SCAND3: variants seen among roughly 807,000 people sequenced by gnomAD.
SCAND3 encodes SCAN domain containing 3, also known as SCAN domain-containing protein 3.
the SCAND3 span, among the ~76,000 whole-genome samples, chr6:28,607,147 T>A: frequency 6.6e-6 from 1 of 152,188 alleles, no homozygotes; most frequent in Admixed American, 6.5e-5. Flanking sequence ...AAGCAACCTG[T>A]CTGTGGTTGG....
the SCAND3 span, chr6:28,575,017 G>A: frequency 1.4e-5 from 23 of 1,613,768 alleles, no homozygotes; most frequent in East Asian, 4.5e-5. This position sits in a 1 kb window ranked among gnomAD's most constrained non-coding sequence, Gnocchi z 4.2. Flanking sequence ...TTCATACTGG[G>A]CTCTTAAAGT....
At chr6:28,573,877 AG>A in the SCAND3 span, 1 of 1,485,008 alleles carries the variant, frequency 6.7e-7, no homozygotes, top group Non-Finnish European at 8.9e-7. Flanking sequence ...TTCCTCCTTC[AG>A]CTAACAGTGT....
the SCAND3 span, among the ~76,000 whole-genome samples, chr6:28,613,972 T>C: frequency 5.9e-5 from 9 of 152,140 alleles, no homozygotes; most frequent in Non-Finnish European, 1.2e-4. Flanking sequence ...CTTTTCTTTT[T>C]TTTTTTTTTA....
the SCAND3 span, among the ~76,000 whole-genome samples, chr6:28,610,472 G>A: frequency 9.2e-5 from 14 of 151,986 alleles, no homozygotes; most frequent in Non-Finnish European, 1.3e-4. Flanking sequence ...GCAGTGAGCC[G>A]AGATCGCACC....
chr6:28,604,842 T>C, the SCAND3 span, among the ~76,000 whole-genome samples: 1 of 152,300 alleles, frequency 6.6e-6, no homozygotes, highest in Non-Finnish European at 1.5e-5. Context: ...CATAGTAATT[T>C]ACCTTCTTAG....
At chr6:28,601,308 G>A in the SCAND3 span, among the ~76,000 whole-genome samples, 2 of 152,188 alleles carry the variant, frequency 1.3e-5, no homozygotes, top group Non-Finnish European at 2.9e-5. Flanking sequence ...TACTTCAGTG[G>A]AGAAAAGGAG....
At chr6:28,594,412 T>C in the SCAND3 span, among the ~76,000 whole-genome samples, 1 of 152,188 alleles carries the variant, frequency 6.6e-6, no homozygotes, top group Non-Finnish European at 1.5e-5. Flanking sequence ...CCCAGCATTT[T>C]GGGAGGCCGA....
At chr6:28,579,692 A>G in the SCAND3 span, among the ~76,000 whole-genome samples, 1 of 152,232 alleles carries the variant, frequency 6.6e-6, no homozygotes, top group African/African-American at 2.4e-5. The surrounding 1 kb of genome is among the most constrained non-coding windows in gnomAD (Gnocchi z 4.5). Context: ...CGTTAAAGAA[A>G]TATCTCCTAA....
the SCAND3 span, among the ~76,000 whole-genome samples, chr6:28,596,055 A>G: frequency 6.6e-6 from 1 of 152,264 alleles, no homozygotes; most frequent in African/African-American, 2.4e-5. Context: ...GGCAATATCT[A>G]TAAATATTTT....
the SCAND3 span, chr6:28,576,261 C>A: frequency 5.5e-4 from 392 of 711,388 alleles, 4 homozygotes; most frequent in Admixed American, 6.7e-4. Context: ...AAGGGGATAC[C>A]ATTTTCTTTC....
the SCAND3 span, chr6:28,571,180 G>C: frequency 6.6e-6 from 1 of 152,180 alleles, no homozygotes; most frequent in Non-Finnish European, 1.5e-5. Flanking sequence ...CAGGCATGGT[G>C]GTGGGTGCCT....
the SCAND3 span, among the ~76,000 whole-genome samples, chr6:28,604,409 G>C: frequency 1.3e-5 from 2 of 152,084 alleles, no homozygotes; most frequent in Non-Finnish European, 2.9e-5. Flanking sequence ...CTAAGGTCAG[G>C]AGTTCAAGAC....
chr6:28,586,381 G>A, the SCAND3 span: 1,285 of 1,613,996 alleles, frequency 8.0e-4, no homozygotes, highest in Non-Finnish European at 9.1e-4. This position sits in a 1 kb window ranked among gnomAD's most constrained non-coding sequence, Gnocchi z 4.4. Context: ...TTATGCTCCC[G>A]CACCCAAGAC....
chr6:28,584,400 A>T, the SCAND3 span, among the ~76,000 whole-genome samples: 1 of 152,156 alleles, frequency 6.6e-6, no homozygotes, highest in Admixed American at 6.5e-5. Context: ...ATCACCCGAA[A>T]GATCAGAAAA....
the SCAND3 span, among the ~76,000 whole-genome samples, chr6:28,595,330 C>CAAAAAAAAAAAAA: frequency 2.7e-5 from 1 of 37,330 alleles, no homozygotes; most frequent in African/African-American, 9.1e-5. Flanking sequence ...AACCCAGTCT[C>CAAAAAAAAAAAAA]AAAAAAAAAA....
the SCAND3 span, chr6:28,593,506 C>T: frequency 6.6e-6 from 1 of 151,940 alleles, no homozygotes; most frequent in Non-Finnish European, 1.5e-5. Context: ...GAAACCCCGT[C>T]TCTATTAAAA....
the SCAND3 span, among the ~76,000 whole-genome samples, chr6:28,574,283 G>A: frequency 3.3e-5 from 5 of 152,000 alleles, no homozygotes; most frequent in Admixed American, 6.6e-5. Flanking sequence ...CACATGTTGC[G>A]TACCACTAGT....
the SCAND3 span, chr6:28,572,897 G>C: frequency 6.2e-7 from 1 of 1,613,926 alleles, no homozygotes; most frequent in African/African-American, 1.3e-5. This position sits in a 1 kb window ranked among gnomAD's most constrained non-coding sequence, Gnocchi z 4.1. Context: ...ATGAAGCAAT[G>C]TGTTGTTTTA....
the SCAND3 span, among the ~76,000 whole-genome samples, chr6:28,597,268 A>G: frequency 6.6e-6 from 1 of 152,186 alleles, no homozygotes; most frequent in Non-Finnish European, 1.5e-5. Flanking sequence ...AAATTAATCT[A>G]CCAAAGATAA....
Sources: gnomAD v4.1 joint callset for allele counts (sites outside exome capture counted in the v4.1 genomes callset) on GRCh38, gnomAD v4.1.1 for gene constraint, Gnocchi (gnomAD v3.1) non-coding constraint, MANE v1.5 for transcripts, NCBI Gene and HGNC (gene_info 2026-07-23, HGNC 2026-07-21) for gene names.